Variants in TAS1R3 observed in about 807,000 individuals in gnomAD.
The protein encoded by TAS1R3 is taste receptor type 1 member 3.
Under a neutral mutation model 46.1 loss-of-function variants are expected in TAS1R3, and 58 were observed. The ratio of observed to expected loss-of-function variants is 1.26; its 90% CI spans 1.02 to 1.57. TAS1R3 has a LOEUF of 1.57. Among genes scored for constraint, TAS1R3 ranks in the 40% most tolerant of loss-of-function variants. The pLI is 0.00. For synonymous variants in TAS1R3, 724 were observed against 544.7 expected, an observed-to-expected ratio of 1.33 and a Z score of -4.58; for missense variants, 1,422 against 1,185.8, an observed-to-expected ratio of 1.20 and a Z score of -2.93.
At position 1,333,500 on chromosome 1, in the gene TAS1R3, TCACA is replaced by T. The variant is rs1436567275; in HGVS notation, c.1601-5_1601-2del. On this transcript the variant is annotated splice_acceptor_variant and splice_polypyrimidine_tract_variant and intron_variant, in intron 5 of 5. Transcript: ENST00000339381. LOFTEE classifies it high-confidence loss of function. ...GAACACCCAGCGCCCTTCTCCTCTC[TCACA>T]GACGACATCGCCTGCACCTTTTGTG... The T allele has an allele frequency of 8.1e-6, 13 of 1,600,824 alleles. No homozygotes were observed. Among genetic ancestry groups the T allele is most frequent in the African/African-American group, 1.3e-5 (1 of 74,986 alleles).
chr1:1,333,271 C>A lies in TAS1R3; in HGVS notation c.1492C>A (p.Arg498=). 1 of 1,596,672 alleles carries A rather than the reference C, an allele frequency of 6.3e-7. No individual in the cohort carries two copies. The highest frequency in any genetic ancestry group is 2.3e-5 in the East Asian group (1 of 43,996). The change falls in exon 5 of 6, where the codon CGG becomes AGG. Residue 498 remains arginine, a synonymous_variant. Coordinates refer to ENST00000339381, the MANE Select transcript of TAS1R3 (RefSeq NM_152228.3). ...GGCCTGTGCGCAGAAGCCCGTGTCCCGGTGCTCGCGGCAGTGCCAGGAGGG... is the reference window on the plus strand; with the variant it reads ...GGCCTGTGCGCAGAAGCCCGTGTCCAGGTGCTCGCGGCAGTGCCAGGAGGG... ...HTSDNQKPVS[R]CSRQCQEGQV...
At position 1,332,815 on chromosome 1, in the gene TAS1R3, G is replaced by C. The variant is rs3813211; in HGVS notation, c.1275+9G>C. The stretch of plus-strand genomic sequence containing the variant: ...CCGTGAAGCCCTGGCAGGTGAGCCC[G>C]GGAGATGGGGGTGTGCTGTCCTCTG... On this transcript the variant is annotated intron_variant, in intron 3 of 5. Coordinates refer to ENST00000339381, the MANE Select transcript of TAS1R3 (RefSeq NM_152228.3). 6.2e-7 allele frequency: 1 copy of C among 1,600,084 alleles called. No homozygotes were observed. Among genetic ancestry groups the C allele is most frequent in the Non-Finnish European group, 8.5e-7 (1 of 1,173,914 alleles).
rs144259160 is a variant in TAS1R3, at chr1:1,333,562, C to T, written c.1657C>T (p.Arg553Cys). Residue 553 changes from arginine (R) to cysteine (C), a missense_variant, in exon 6 of 6, where the codon CGC becomes TGC. By Grantham distance (180) the Arg-to-Cys change is radical. Transcript: ENST00000339381. The stretch of plus-strand genomic sequence containing the variant: ...TGAGTGGTCCCCGGAGCGAAGCACA[C>T]GCTGCTTCCGCCGCAGGTCTCGGTT... ...QDEWSPERSTRCFRRRSRFLA... is the reference protein window; with the variant it reads ...QDEWSPERSTCCFRRRSRFLA... The T allele has an allele frequency of 1.3e-5, 21 of 1,604,910 alleles. No individual in the cohort carries two copies. Among genetic ancestry groups the T allele is most frequent in the African/African-American group, 4.0e-5 (3 of 74,944 alleles).
chr1:1,331,767 G>A lies in TAS1R3; in HGVS notation c.321G>A (p.Val107=), dbSNP rs777363851. 1 of 1,612,912 alleles carries A rather than the reference G, an allele frequency of 6.2e-7. No individual in the cohort carries two copies. The highest frequency in any genetic ancestry group is 2.2e-5 in the East Asian group (1 of 44,888). The change falls in exon 2 of 6, where the codon GTG becomes GTA. Residue 107 remains valine, a synonymous_variant. Transcript: ENST00000339381. ...TCTTTGATACGTGCTCGGAGCCTGT[G>A]GTGGCCATGAAGCCCAGCCTCATGT... ...YDLFDTCSEP[V]VAMKPSLMFL...
rs764930140 is a variant in TAS1R3, at chr1:1,334,557, C to CCGCT, written c.*95_*98dup. On this transcript the variant is annotated 3_prime_UTR_variant, in exon 6 of 6. Coordinates refer to ENST00000339381, the MANE Select transcript of TAS1R3 (RefSeq NM_152228.3). ...CCCGTGTCTCGCTACAGAGACCCTC[C>CCGCT]CGCTCTAGGTTCTGACCCCAGGTTG... The CCGCT allele has an allele frequency of 2.0e-5, 27 of 1,353,752 alleles. No individual in the cohort carries two copies. Among genetic ancestry groups the CCGCT allele is most frequent in the Middle Eastern group, 4.3e-4 (2 of 4,648 alleles). The allele number at this position is 1,353,752 out of a possible 1,614,324, so 83.9% of individuals were successfully genotyped here. A position where few individuals can be genotyped will look rare whatever the true frequency, so the allele number is the denominator to read the frequency against.
Position 1,333,341 on chromosome 1 carries a change from G to A in TAS1R3, c.1562G>A (p.Cys521Tyr), listed in dbSNP as rs774178597. ...GGGTTCCACTCCTGCTGCTACGACT[G>A]TGTGGACTGCGAGGCGGGCAGCTAC... is the stretch of plus-strand genomic sequence containing the variant. ...VKGFHSCCYD[C>Y]VDCEAGSYRQ... Residue 521 changes from cysteine to tyrosine, a missense_variant, in exon 5 of 6, where the codon TGT becomes TAT. Cys to Tyr is a radical substitution (Grantham distance 194). Transcript: ENST00000339381. 4.3e-6 allele frequency: 7 copies of A among 1,609,538 alleles called. No individual in the cohort carries two copies. Among genetic ancestry groups the A allele is most frequent in the Admixed American group, 1.7e-5 (1 of 59,566 alleles).
At position 1,334,078 on chromosome 1, in the gene TAS1R3, C is replaced by T. The variant is rs780332472; in HGVS notation, c.2173C>T (p.Arg725Cys). The change falls in exon 6 of 6, where the codon CGC (arginine) becomes TGC (cysteine). Residue 725 changes from arginine to cysteine, a missense_variant. Physicochemically the swap from Arg to Cys is radical, Grantham distance 180. Coordinates refer to ENST00000339381, the MANE Select transcript of TAS1R3 (RefSeq NM_152228.3). ...PTEALVHCRT[R>C]SWVSFGLAHA... is the part of the protein sequence containing the mutation. ...GGAGGCGCTGGTGCACTGCCGCACA[C>T]GCTCCTGGGTCAGCTTCGGCCTAGC... 133 of 1,596,608 alleles carry T rather than the reference C, an allele frequency of 8.3e-5. No individual in the cohort carries two copies. In the East Asian group the frequency reaches 8.8e-4, roughly 11 times the overall value.
Position 1,333,073 on chromosome 1 carries a change from C to T in TAS1R3, c.1428C>T (p.Gly476=). ...PRLHDVGRFN[G]SLRTERLKIR... The stretch of plus-strand genomic sequence containing the variant: ...TCCACGACGTGGGCAGGTTCAACGG[C>T]AGCCTCAGGACAGAGCGCCTGAAGA... Residue 476 remains glycine (G), a synonymous_variant, in exon 4 of 6, where the codon GGC becomes GGT. Coordinates refer to ENST00000339381, the MANE Select transcript of TAS1R3 (RefSeq NM_152228.3). 5.0e-6 allele frequency: 8 copies of T among 1,612,674 alleles called. No individual in the cohort carries two copies. Among genetic ancestry groups the T allele is most frequent in the Non-Finnish European group, 6.8e-6 (8 of 1,179,914 alleles).
Position 1,334,379 on chromosome 1 carries a change from C to A in TAS1R3, c.2474C>A (p.Thr825Asn). The A allele has an allele frequency of 6.2e-7, 1 of 1,610,422 alleles. No homozygotes were observed. The highest frequency in any genetic ancestry group is 1.7e-5 in the Admixed American group (1 of 59,854). The change falls in exon 6 of 6, where the codon ACC becomes AAC. Residue 825 changes from threonine to asparagine, a missense_variant. Transcript: ENST00000339381. ...YLLMRQPGLN[T>N]PEFFLGGGPG... ...CTCATGCGGCAGCCAGGGCTCAACACCCCCGAGTTCTTCCTGGGAGGGGGC... is the reference window on the plus strand; with the variant it reads ...CTCATGCGGCAGCCAGGGCTCAACAACCCCGAGTTCTTCCTGGGAGGGGGC...
At position 1,333,989 on chromosome 1, in the gene TAS1R3, T is replaced by C. The variant is rs1422898266; in HGVS notation, c.2084T>C (p.Leu695Pro). 4.4e-6 allele frequency: 7 copies of C among 1,599,930 alleles called. No homozygotes were observed. The highest frequency in any genetic ancestry group is 4.5e-5 in the East Asian group (2 of 44,862). The change falls in exon 6 of 6, where the codon CTG (leucine) becomes CCG (proline). Residue 695 changes from leucine (L) to proline (P), a missense_variant. Coordinates refer to ENST00000339381, the MANE Select transcript of TAS1R3 (RefSeq NM_152228.3). Reference protein sequence around the residue: ...VLLAMLVEVALCTWYLVAFPP... With the variant: ...VLLAMLVEVAPCTWYLVAFPP... Reference sequence around the variant, plus strand: ...CTGGCCATGCTGGTGGAGGTCGCACTGTGCACCTGGTACCTGGTGGCCTTC... The same window carrying C: ...CTGGCCATGCTGGTGGAGGTCGCACCGTGCACCTGGTACCTGGTGGCCTTC...
rs1441875836 is a variant in TAS1R3, at chr1:1,333,267, G to A, written c.1488G>A (p.Val496=). 1 of 1,598,724 alleles carries A rather than the reference G, an allele frequency of 6.3e-7. No individual in the cohort carries two copies. The highest frequency in any genetic ancestry group is 1.1e-5 in the South Asian group (1 of 89,350). ...RWHTSDNQKP[V]SRCSRQCQEG... is the part of the protein sequence containing the mutation. Reference sequence around the variant, plus strand: ...CCCAGGCCTGTGCGCAGAAGCCCGTGTCCCGGTGCTCGCGGCAGTGCCAGG... The same window carrying A: ...CCCAGGCCTGTGCGCAGAAGCCCGTATCCCGGTGCTCGCGGCAGTGCCAGG... Residue 496 remains valine, a synonymous_variant, in exon 5 of 6, where the codon GTG becomes GTA. Coordinates refer to ENST00000339381, the MANE Select transcript of TAS1R3 (RefSeq NM_152228.3).
At chr1:1,331,582 T>C (rs756387549) in intron 1 of TAS1R3, 46 bp downstream of exon 1, 28 of 1,603,952 alleles carry the variant, frequency 1.7e-5, no homozygotes, top group East Asian at 1.3e-4. Flanking sequence ...TGACCAGGTC[T>C]GGGGTGCTCC....
chr1:1,331,945 G>GC lies in TAS1R3; in HGVS notation c.492+13dup, dbSNP rs200330269. The stretch of plus-strand genomic sequence containing the variant: ...CTTCTTCCTCATGCCCCAGGTGGGC[G>GC]CCCCCCACCATCACCCACCCCCACC... On this transcript the variant is annotated splice_region_variant and intron_variant, in intron 2 of 5. Coordinates refer to ENST00000339381, the MANE Select transcript of TAS1R3 (RefSeq NM_152228.3). 0.071 allele frequency: 114,520 copies of GC among 1,606,724 alleles called. 9,504 individuals are homozygous for GC. Among genetic ancestry groups the GC allele is most frequent in the African/African-American group, 0.43 (31,298 of 73,412 alleles).
At position 1,334,275 on chromosome 1, in the gene TAS1R3, G is replaced by A. The variant is rs146326046; in HGVS notation, c.2370G>A (p.Arg790=). ...PLLANVQVVL[R]PAVQMGALLL... is the part of the protein sequence containing the mutation. ...TGGCCAATGTGCAGGTGGTCCTCAGGCCCGCCGTGCAGATGGGCGCCCTCC... is the reference window on the plus strand; with the variant it reads ...TGGCCAATGTGCAGGTGGTCCTCAGACCCGCCGTGCAGATGGGCGCCCTCC... The change falls in exon 6 of 6, where the codon AGG becomes AGA. Residue 790 remains arginine, a synonymous_variant. Coordinates refer to ENST00000339381, the MANE Select transcript of TAS1R3 (RefSeq NM_152228.3). The A allele has an allele frequency of 1.1e-4, 176 of 1,611,864 alleles. 1 individual carries two copies. In the African/African-American group the frequency reaches 2.2e-3, roughly 20 times the overall value.
intron 4 of TAS1R3, 37 bp downstream of exon 4, chr1:1,333,161 T>G (rs746375526): frequency 1.2e-6 from 2 of 1,600,694 alleles, no homozygotes; most frequent in Non-Finnish European, 1.7e-6. Context: ...GTGCCCGTGG[T>G]AGCCCCCGCG....
chr1:1,334,484 C>A lies in TAS1R3; in HGVS notation c.*20C>A. 6.7e-7 allele frequency: 1 copy of A among 1,493,954 alleles called. No individual in the cohort carries two copies. Among genetic ancestry groups the A allele is most frequent in the Non-Finnish European group, 8.9e-7 (1 of 1,121,332 alleles). The allele number at this position is 1,493,954 out of a possible 1,614,324, so 92.5% of individuals were successfully genotyped here. A position where few individuals can be genotyped will look rare whatever the true frequency, so the allele number is the denominator to read the frequency against. On this transcript the variant is annotated 3_prime_UTR_variant, in exon 6 of 6. Coordinates refer to ENST00000339381, the MANE Select transcript of TAS1R3 (RefSeq NM_152228.3). ...GAGTGACCCAACCCTGTGATCTCAG[C>A]CCCGGTGAACCCAGACTTAGCTGCG...
In TAS1R3 at chr1:1,331,320, C is replaced by T. The variant is rs371643565; in HGVS notation, c.-26C>T. Reference sequence around the variant, plus strand: ...GGCCCCAGTCGGGGCAGCCACCTGCCGTGCCTGTTGGAAGTTGCCTCTGCC... The same window carrying T: ...GGCCCCAGTCGGGGCAGCCACCTGCTGTGCCTGTTGGAAGTTGCCTCTGCC... On this transcript the variant is annotated 5_prime_UTR_variant, in exon 1 of 6. Coordinates refer to ENST00000339381, the MANE Select transcript of TAS1R3 (RefSeq NM_152228.3). 61 of 1,545,968 alleles carry T rather than the reference C, an allele frequency of 3.9e-5. No individual in the cohort carries two copies. Among genetic ancestry groups the T allele is most frequent in the Middle Eastern group, 1.7e-4 (1 of 5,802 alleles).
At position 1,332,964 on chromosome 1, in the gene TAS1R3, T is replaced by A. The variant is rs142484921; in HGVS notation, c.1319T>A (p.Leu440Gln). ...MYNLTFHVGG[L>Q]PLRFDSSGNV... ...AACCTGACCTTCCACGTGGGCGGGC[T>A]GCCGCTGCGGTTCGACAGCAGCGGA... The change falls in exon 4 of 6, where the codon CTG becomes CAG. Residue 440 changes from leucine to glutamine, a missense_variant. Transcript: ENST00000339381. The A allele has an allele frequency of 7.5e-4, 1,206 of 1,612,132 alleles. 14 individuals are homozygous for A. The South Asian group carries it at 8.6e-3, about 11-fold the overall frequency.
Position 1,331,988 on chromosome 1 carries a change from G to A in TAS1R3, c.493-36G>A, listed in dbSNP as rs761552017. 1.9e-6 allele frequency: 3 copies of A among 1,609,386 alleles called. No homozygotes were observed. The South Asian group carries it at 3.3e-5, about 18-fold the overall frequency. ...CCCCCACCCAGCCCTGCCCGTGGGA[G>A]CCCCTGTGTCAGGAGATGCCTCTTG... On this transcript the variant is annotated intron_variant, in intron 2 of 5. Transcript: ENST00000339381.
Sources: allele counts gnomAD v4.1 joint callset, GRCh38; gene constraint gnomAD v4.1.1; transcripts MANE v1.5; gene names NCBI Gene and HGNC (gene_info 2026-07-23, HGNC 2026-07-21).